MAPKAPK5: variants seen among roughly 807,000 people sequenced by gnomAD.
The protein encoded by MAPKAPK5 is MAP kinase-activated protein kinase 5.
In MAPKAPK5, 30 loss-of-function variants were observed where a neutral mutation model predicts 65.1. The observed-to-expected ratio is 0.46, with a 90% CI of 0.34 to 0.63. The LOEUF is 0.63. Among genes scored for constraint, MAPKAPK5 ranks in the 20% least tolerant of loss-of-function variants. MAPKAPK5 has a pLI of 0.01. For synonymous variants in MAPKAPK5, 179 were observed against 204.6 expected, an observed-to-expected ratio of 0.87 and a Z score of 1.07; for missense variants, 433 against 581.4, an observed-to-expected ratio of 0.74 and a Z score of 2.63.
chr12:111,868,627 C>T (rs2069683342), intron 4 of MAPKAPK5, 126 bp from the exon 5 acceptor site: 2 of 716,906 alleles, frequency 2.8e-6, no homozygotes, highest in Non-Finnish European at 4.6e-6. Context: ...TTACCCTGGA[C>T]TTAGGAAGTT....
chr12:111,882,725 A>G, intron 8 of MAPKAPK5: 1 of 822,300 alleles, frequency 1.2e-6, no homozygotes, highest in Non-Finnish European at 1.5e-6. Context: ...AAGAGCTTGC[A>G]AATGGACCTA....
At position 111,899,560 on chromosome 12, in the gene MAPKAPK5, A is replaced by G. The variant is rs1468176245; in HGVS notation, c.*6499A>G. 4.3e-6 allele frequency: 1 copy of G among 234,852 alleles called. No homozygotes were observed. The highest frequency in any genetic ancestry group is 8.6e-6 in the Non-Finnish European group (1 of 116,228). The allele number at this position is 234,852 out of a possible 1,614,324, so 14.5% of individuals were successfully genotyped here. A position where few individuals can be genotyped will look rare whatever the true frequency, so the allele number is the denominator to read the frequency against. Reference sequence around the variant, plus strand: ...GATAGCCCAGTGGAAGGACTGTCCTACTTGTTACTTATGCAAGGCCAGAAG... The same window carrying G: ...GATAGCCCAGTGGAAGGACTGTCCTGCTTGTTACTTATGCAAGGCCAGAAG... On this transcript the variant is annotated 3_prime_UTR_variant, in exon 14 of 14. Coordinates refer to ENST00000550735, the MANE Select transcript of MAPKAPK5 (RefSeq NM_003668.4).
At chr12:111,844,962 T>C (rs917973446) in intron 1 of MAPKAPK5, among the ~76,000 whole-genome samples, 4 of 152,190 alleles carry the variant, frequency 2.6e-5, no homozygotes, top group African/African-American at 9.7e-5. Context: ...TAGGGCCTTG[T>C]AGGCCATCGT....
At chr12:111,872,182 T>C (rs907679723) in intron 7 of MAPKAPK5, among the ~76,000 whole-genome samples, 2 of 152,176 alleles carry the variant, frequency 1.3e-5, no homozygotes, top group Non-Finnish European at 2.9e-5. Flanking sequence ...CCCATGCCCA[T>C]ATCTTTTTTC....
intron 4 of MAPKAPK5, 128 bp downstream of exon 4, chr12:111,867,797 T>C: frequency 1.4e-6 from 1 of 691,366 alleles, no homozygotes; most frequent in Non-Finnish European, 2.5e-6. Context: ...CCTCTGCCCT[T>C]CCTTCTCCCC....
intron 1 of MAPKAPK5, among the ~76,000 whole-genome samples, chr12:111,852,258 C>T (rs78792664): frequency 2.0e-5 from 3 of 152,078 alleles, no homozygotes; most frequent in African/African-American, 7.2e-5. Flanking sequence ...TGTAATGTTA[C>T]ACCAGATGTG....
At position 111,902,026 on chromosome 12, in the gene MAPKAPK5, A is replaced by ATTTG. The variant is rs911755877; in HGVS notation, c.*8970_*8973dup. On this transcript the variant is annotated 3_prime_UTR_variant, in exon 14 of 14. Coordinates refer to ENST00000550735, the MANE Select transcript of MAPKAPK5 (RefSeq NM_003668.4). ...ACTTTTTCAGGACATGCTATCTTCT[A>ATTTG]TTTGTTTGACATACAGAATCATATG... The ATTTG allele has an allele frequency of 7.9e-5, 12 of 152,618 alleles. No individual in the cohort carries two copies. Among genetic ancestry groups the ATTTG allele is most frequent in the Admixed American group, 5.9e-4 (9 of 15,308 alleles). The allele number at this position is 152,618 out of a possible 1,614,324, so 9.5% of individuals were successfully genotyped here.
In MAPKAPK5 at chr12:111,890,128, G is replaced by A; in HGVS notation, c.1305G>A (p.Gln435=). The change falls in exon 13 of 14, where the codon CAG becomes CAA. Residue 435 remains glutamine, a synonymous_variant. Transcript: ENST00000550735. ...RECKLLRDTL[Q]SFSWNGRGFT... ...GCAAACTCCTAAGAGATACTCTGCA[G>A]AGCTTCAGCTGGAATGGTAGGAGCC... 6.3e-7 allele frequency: 1 copy of A among 1,593,318 alleles called. No homozygotes were observed. The highest frequency in any genetic ancestry group is 1.2e-5 in the South Asian group (1 of 86,914).
chr12:111,870,376 T>C lies in MAPKAPK5; in HGVS notation c.483+16T>C. On this transcript the variant is annotated intron_variant, in intron 6 of 13. Coordinates refer to ENST00000550735, the MANE Select transcript of MAPKAPK5 (RefSeq NM_003668.4). ...TAACTCTTTGGTGAGAAGACTGTTT[T>C]TCTGCATTTTAGTGCTGCAACTCTT... 1 of 1,596,842 alleles carries C rather than the reference T, an allele frequency of 6.3e-7. No individual in the cohort carries two copies.
chr12:111,844,179 T>C (rs980967740), intron 1 of MAPKAPK5, among the ~76,000 whole-genome samples: 2 of 150,630 alleles, frequency 1.3e-5, no homozygotes, highest in Non-Finnish European at 3.0e-5. Flanking sequence ...GACATATCCT[T>C]CTTTTGTTTT....
At chr12:111,848,432 G>A (rs1205136927) in intron 1 of MAPKAPK5, among the ~76,000 whole-genome samples, 1 of 57,014 alleles carries the variant, frequency 1.8e-5, no homozygotes, top group African/African-American at 7.3e-5. Context: ...TTTTTTTTTT[G>A]AGATGGAGTC....
At chr12:111,872,883 T>C (rs573868979) in intron 7 of MAPKAPK5, among the ~76,000 whole-genome samples, 2 of 152,306 alleles carry the variant, frequency 1.3e-5, no homozygotes, top group Non-Finnish European at 2.9e-5. Flanking sequence ...TTAACTTAAT[T>C]GTTCTGCAAT....
chr12:111,898,655 A>T lies in MAPKAPK5; in HGVS notation c.*5594A>T, dbSNP rs1440993620. 1 of 152,250 alleles carries T rather than the reference A, an allele frequency of 6.6e-6. No individual in the cohort carries two copies. Among genetic ancestry groups the T allele is most frequent in the Non-Finnish European group, 1.5e-5 (1 of 68,048 alleles). The allele number at this position is 152,250 out of a possible 1,614,324, so 9.4% of individuals were successfully genotyped here. A position where few individuals can be genotyped will look rare whatever the true frequency, so the allele number is the denominator to read the frequency against. On this transcript the variant is annotated 3_prime_UTR_variant, in exon 14 of 14. Transcript: ENST00000550735. ...TAAACTCATTTGTTATGAACCAACG[A>T]TAATGAGGGAAAACTTGGACATCCA...
At chr12:111,886,950 G>A (rs773301047) in intron 10 of MAPKAPK5, among the ~76,000 whole-genome samples, 4 of 152,178 alleles carry the variant, frequency 2.6e-5, no homozygotes, top group African/African-American at 4.8e-5. Context: ...ACAGTTTTTC[G>A]TGATAGACTA....
Position 111,898,850 on chromosome 12 carries a change from C to A in MAPKAPK5, c.*5789C>A, listed in dbSNP as rs1249653412. 2 of 151,510 alleles carry A rather than the reference C, an allele frequency of 1.3e-5. No homozygotes were observed. The highest frequency in any genetic ancestry group is 2.4e-5 in the African/African-American group (1 of 41,132). 9.4% of individuals were successfully genotyped at this position (151,510 alleles called of 1,614,324 possible). A position where few individuals can be genotyped will look rare whatever the true frequency, so the allele number is the denominator to read the frequency against. On this transcript the variant is annotated 3_prime_UTR_variant, in exon 14 of 14. Coordinates refer to ENST00000550735, the MANE Select transcript of MAPKAPK5 (RefSeq NM_003668.4). The stretch of plus-strand genomic sequence containing the variant: ...GAAGCCCTGCCCCCTTCCCCCCACC[C>A]CCTGACAGAATGTTGTGTTTCAAAG...
intron 7 of MAPKAPK5, among the ~76,000 whole-genome samples, chr12:111,875,357 T>C (rs73422349): frequency 5.3e-4 from 80 of 152,244 alleles, no homozygotes; most frequent in African/African-American, 1.7e-3. Context: ...TGTTACCTTA[T>C]GGTTAGGTGG....
At chr12:111,862,409 T>C (rs2069469405) in intron 1 of MAPKAPK5, among the ~76,000 whole-genome samples, 2 of 152,188 alleles carry the variant, frequency 1.3e-5, no homozygotes, top group South Asian at 4.1e-4. Context: ...ACTTAGTAAG[T>C]ACAGTGGAGG....
intron 10 of MAPKAPK5, 148 bp downstream of exon 10, chr12:111,886,184 C>A: frequency 8.2e-7 from 1 of 1,224,064 alleles, no homozygotes; most frequent in Non-Finnish European, 1.1e-6. Context: ...GAGTCAGGAT[C>A]CAAAATAAGG....
chr12:111,880,607 G>A (rs1487582728), intron 8 of MAPKAPK5, 80 bp downstream of exon 8: 5 of 1,243,602 alleles, frequency 4.0e-6, no homozygotes, highest in Non-Finnish European at 5.9e-6. Context: ...CTCTGGGAGT[G>A]TGGCCAATTC....
Sources: gnomAD v4.1 joint callset for allele counts (sites outside exome capture counted in the v4.1 genomes callset) on GRCh38, gnomAD v4.1.1 for gene constraint, MANE v1.5 for transcripts, NCBI Gene and HGNC (gene_info 2026-07-23, HGNC 2026-07-21) for gene names.